KATNAL1: variants seen among roughly 807,000 people sequenced by gnomAD.
KATNAL1 encodes katanin p60 ATPase-containing subunit A-like 1.
A neutral mutation model predicts 55.2 loss-of-function variants in KATNAL1; 32 were observed. That is an observed-to-expected ratio of 0.58 (90% confidence interval 0.44 to 0.78). The LOEUF is 0.78. Ranked by LOEUF, KATNAL1 falls within the 30% of genes least tolerant of loss-of-function variation. KATNAL1 has a pLI of 0.00. For missense variants in KATNAL1, 466 were observed against 600.9 expected, an observed-to-expected ratio of 0.78 and a Z score of 2.35; for synonymous variants, 193 against 193.6, an observed-to-expected ratio of 1.00 and a Z score of 0.02.
rs372419044 is a variant in KATNAL1, at chr13:30,255,431, A to G, written c.492+16T>C. 4 of 1,481,478 alleles carry G rather than the reference A, an allele frequency of 2.7e-6. No individual in the cohort carries two copies. The African/African-American group carries it at 4.3e-5, about 16-fold the overall frequency. 91.8% of individuals were successfully genotyped at this position (1,481,478 alleles called of 1,614,324 possible). On this transcript the variant is annotated intron_variant, in intron 4 of 10. Transcript: ENST00000380615. Reference sequence around the variant, plus strand: ...TGGGCTTCAAGTGAGTGAATTACAGAAAGACAGCATCTTGCCTTGTCATCT... The same window carrying G: ...TGGGCTTCAAGTGAGTGAATTACAGGAAGACAGCATCTTGCCTTGTCATCT...
chr13:30,251,717 A>T (rs1472766412), intron 4 of KATNAL1, among the ~76,000 whole-genome samples: 1 of 152,224 alleles, frequency 6.6e-6, no homozygotes, highest in Non-Finnish European at 1.5e-5. Context: ...GAAAAAATAT[A>T]GCTTAAAAGT....
intron 1 of KATNAL1, among the ~76,000 whole-genome samples, chr13:30,294,057 C>G (rs74043077): frequency 0.016 from 2,424 of 152,094 alleles, 69 homozygotes; most frequent in African/African-American, 0.054. Context: ...CTGTTGCCCT[C>G]TCTCTCTCTT....
At chr13:30,222,701 G>A (rs12866391) in intron 9 of KATNAL1, among the ~76,000 whole-genome samples, 1 of 152,020 alleles carries the variant, frequency 6.6e-6, no homozygotes, top group African/African-American at 2.4e-5. Context: ...AGCAAGGGGG[G>A]TACAGAGAAA....
intron 1 of KATNAL1, among the ~76,000 whole-genome samples, chr13:30,303,423 C>T (rs550205422): frequency 2.0e-5 from 3 of 151,964 alleles, no homozygotes; most frequent in Non-Finnish European, 4.4e-5. Flanking sequence ...AATGTTGAGC[C>T]GGGTGTGGCC....
rs1381381719 is a variant in KATNAL1 at position 30,227,521 on chromosome 13, A to T, written c.1038T>A (p.Asp346Glu). Reference sequence around the variant, plus strand: ...ATACCATAACCATTTTGGAAGGATCATCATTTTCTAAAGCTCCTCCAACTC... The same window carrying T: ...ATACCATAACCATTTTGGAAGGATCTTCATTTTCTAAAGCTCCTCCAACTC... ...MDGVGGALEN[D>E]DPSKMVMVLA... The change falls in exon 9 of 11, where the codon GAT (aspartate) becomes GAA (glutamate). Residue 346 changes from aspartate (D) to glutamate (E), a missense_variant. Physicochemically the swap from Asp to Glu is conservative, Grantham distance 45. Around this residue, in one of 3 missense-constraint regions of KATNAL1, gnomAD observed 213 missense variants for 308.6 expected, o/e 0.69. Transcript: ENST00000380615. 6.2e-6 allele frequency: 10 copies of T among 1,613,930 alleles called. No individual in the cohort carries two copies. Among genetic ancestry groups the T allele is most frequent in the Non-Finnish European group, 8.5e-6 (10 of 1,179,850 alleles).
At chr13:30,232,241 G>T (rs17589615) in intron 6 of KATNAL1, among the ~76,000 whole-genome samples, 16,402 of 152,174 alleles carry the variant, frequency 0.11, 1,136 homozygotes, top group Non-Finnish European at 0.16. Flanking sequence ...ATTTTTAATA[G>T]AGTTTAAATA....
chr13:30,283,522 T>C, intron 2 of KATNAL1, 94 bp downstream of exon 2: 1 of 1,114,084 alleles, frequency 9.0e-7, no homozygotes, highest in Non-Finnish European at 1.3e-6. Context: ...ACTATTTCCA[T>C]CTCAAACTCA....
At chr13:30,263,847 A>C (rs1486238687) in intron 3 of KATNAL1, among the ~76,000 whole-genome samples, 3 of 146,002 alleles carry the variant, frequency 2.1e-5, no homozygotes, top group African/African-American at 5.1e-5. Flanking sequence ...GCTACCAATG[A>C]CTTTCTTCAC....
chr13:30,305,517 C>T (rs1195884147), intron 1 of KATNAL1, among the ~76,000 whole-genome samples: 2 of 152,204 alleles, frequency 1.3e-5, no homozygotes, highest in African/African-American at 4.8e-5. Flanking sequence ...AGATCAGGAC[C>T]AGACCCACCT....
chr13:30,261,936 C>T (rs888404503), intron 3 of KATNAL1, among the ~76,000 whole-genome samples: 45 of 152,290 alleles, frequency 3.0e-4, no homozygotes, highest in Admixed American at 2.1e-3. Context: ...CACCACACCA[C>T]ACCTATTCCA....
intron 2 of KATNAL1, among the ~76,000 whole-genome samples, chr13:30,280,956 C>CA (rs1420951201): frequency 1.3e-5 from 2 of 151,364 alleles, no homozygotes; most frequent in South Asian, 4.2e-4. Flanking sequence ...CCTGGGGAAA[C>CA]AAAAAAATTA....
intron 8 of KATNAL1, among the ~76,000 whole-genome samples, chr13:30,229,193 C>T (rs1414393213): frequency 6.6e-6 from 1 of 152,010 alleles, no homozygotes; most frequent in Non-Finnish European, 1.5e-5. Flanking sequence ...TCCTCAGGGC[C>T]CTTTTTCTCT....
Position 30,289,748 on chromosome 13 carries a change from A to G in KATNAL1, c.-14-5957T>C, listed in dbSNP as rs536257414. On this transcript the variant is annotated intron_variant, in intron 1 of 10. Coordinates refer to ENST00000380615, the MANE Select transcript of KATNAL1 (RefSeq NM_032116.5). The stretch of plus-strand genomic sequence containing the variant: ...GTTTTGACATGATGTGTATGCATTG[A>G]TAATAAAGTAAAATGTCACAGCACA... Among the ~76,000 whole-genome samples the G allele has an allele frequency of 3.9e-5, 6 of 152,278 alleles. No individual in the cohort carries two copies. The South Asian group carries it at 1.2e-3, about 32-fold the overall frequency.
At chr13:30,305,218 A>T (rs1370307810) in intron 1 of KATNAL1, among the ~76,000 whole-genome samples, 1 of 152,230 alleles carries the variant, frequency 6.6e-6, no homozygotes, top group Non-Finnish European at 1.5e-5. Flanking sequence ...ATATGGTGCC[A>T]AGTACTTTAA....
chr13:30,213,150 C>T (rs372232920), intron 9 of KATNAL1, among the ~76,000 whole-genome samples: 21 of 152,242 alleles, frequency 1.4e-4, no homozygotes, highest in Admixed American at 2.6e-4. Context: ...AACACCTCTA[C>T]GCAAATAAAC....
At chr13:30,283,511 C>T (rs899220874) in intron 2 of KATNAL1, 105 bp downstream of exon 2, 1 of 878,852 alleles carries the variant, frequency 1.1e-6, no homozygotes, top group African/African-American at 1.7e-5. Flanking sequence ...GATAAATAGG[C>T]ACTATTTCCA....
chr13:30,241,980 C>A (rs530126760), intron 4 of KATNAL1, among the ~76,000 whole-genome samples: 1 of 152,122 alleles, frequency 6.6e-6, no homozygotes, highest in Non-Finnish European at 1.5e-5. Context: ...AAGATTCTTG[C>A]ATTCCAGATG....
intron 3 of KATNAL1, among the ~76,000 whole-genome samples, chr13:30,263,799 C>T (rs1300881366): frequency 4.3e-5 from 6 of 140,268 alleles, no homozygotes; most frequent in South Asian, 2.5e-4. Flanking sequence ...GGCCATACTG[C>T]CCAAGGTAAT....
At chr13:30,275,483 T>C (rs1052367338) in intron 3 of KATNAL1, among the ~76,000 whole-genome samples, 6 of 152,096 alleles carry the variant, frequency 3.9e-5, no homozygotes, top group Non-Finnish European at 8.8e-5. Flanking sequence ...ATCAAAACCA[T>C]ATTACTCACT....
Sources: allele counts gnomAD v4.1 joint callset (sites outside exome capture counted in the v4.1 genomes callset), GRCh38; gene constraint gnomAD v4.1.1; regional missense constraint gnomAD v4.1.1; transcripts MANE v1.5; gene names NCBI Gene and HGNC (gene_info 2026-07-23, HGNC 2026-07-21).